The following MPDZ variants were observed in gnomAD, a reference collection of about 807,000 sequenced individuals.
MPDZ encodes the protein multiple PDZ domain protein.
MPDZ carries 234 observed loss-of-function variants against 239.1 expected under a neutral mutation model. The ratio of observed to expected loss-of-function variants is 0.98; its 90% CI spans 0.88 to 1.09. The LOEUF is 1.09. MPDZ is among the 50% of genes least tolerant of loss of function. The pLI is 0.00. For missense variants in MPDZ, 3,175 were observed against 2,510.0 expected, an observed-to-expected ratio of 1.26 and a Z score of -5.66; for synonymous variants, 1,048 against 881.3, an observed-to-expected ratio of 1.19 and a Z score of -3.35.
intron 19 of MPDZ, among the ~76,000 whole-genome samples, chr9:13,178,810 C>A (rs1274349438): frequency 6.6e-6 from 1 of 152,154 alleles, no homozygotes; most frequent in Non-Finnish European, 1.5e-5. Flanking sequence ...AATATTTTGT[C>A]GTGCAGAAGT....
Position 13,186,324 on chromosome 9 carries a change from G to A in MPDZ, c.2427C>T (p.Ser809=), listed in dbSNP as rs1184794637. The part of the protein sequence containing the change: ...KEDSFLYPPH[S]CEEAGLADKP... ...TGTCAGCCAGCCCTGCTTCCTCACAGGAGTGTGGTGGGTAGAGAAAGGAAT... is the reference window on the plus strand; with the variant it reads ...TGTCAGCCAGCCCTGCTTCCTCACAAGAGTGTGGTGGGTAGAGAAAGGAAT... The change falls in exon 18 of 47, where the codon TCC becomes TCT. Residue 809 remains serine, a synonymous_variant. Coordinates refer to ENST00000319217, the MANE Select transcript of MPDZ (RefSeq NM_001378778.1). The A allele has an allele frequency of 1.9e-6, 3 of 1,596,350 alleles. No individual in the cohort carries two copies. Among genetic ancestry groups the A allele is most frequent in the Non-Finnish European group, 1.7e-6 (2 of 1,170,966 alleles).
At chr9:13,120,910 C>G (rs1027351583) in intron 38 of MPDZ, among the ~76,000 whole-genome samples, 2 of 152,186 alleles carry the variant, frequency 1.3e-5, no homozygotes, top group African/African-American at 4.8e-5. Context: ...GCACTTTTTA[C>G]TGAATGCTGA....
intron 3 of MPDZ, among the ~76,000 whole-genome samples, chr9:13,225,557 A>G (rs150155635): frequency 1.3e-5 from 2 of 152,108 alleles, no homozygotes; most frequent in East Asian, 3.9e-4. Context: ...TGTCTCCTAT[A>G]CAGGTGTACC....
chr9:13,108,992 C>T lies in MPDZ; in HGVS notation c.6010G>A (p.Gly2004Arg), dbSNP rs1227954841. 6.9e-6 allele frequency: 11 copies of T among 1,605,388 alleles called. No individual in the cohort carries two copies. The South Asian group carries it at 8.9e-5, about 13-fold the overall frequency. Residue 2004 changes from glycine to arginine, a missense_variant, in exon 46 of 47, where the codon GGA (glycine) becomes AGA (arginine). Coordinates refer to ENST00000319217, the MANE Select transcript of MPDZ (RefSeq NM_001378778.1). ...PDGLGFSIVGGYGSPHGDLPI... is the reference protein window; with the variant it reads ...PDGLGFSIVGRYGSPHGDLPI... The stretch of plus-strand genomic sequence containing the variant: ...AAGTCTCCATGAGGGCTGCCATATC[C>T]TCCAACTATACTGAAGCCTAAGCCA...
Position 13,109,964 on chromosome 9 carries a change from T to G in MPDZ, c.5930A>C (p.Gln1977Pro). The change falls in exon 45 of 47, where the codon CAG becomes CCG. Residue 1977 changes from glutamine (Q) to proline (P), a missense_variant. Physicochemically the swap from Gln to Pro is moderately conservative, Grantham distance 76 (BLOSUM62 -1). Coordinates refer to ENST00000319217, the MANE Select transcript of MPDZ (RefSeq NM_001378778.1). Reference sequence around the variant, plus strand: ...TGTATGAACTCACCCTAAATCATCCTGAAATATACTGCTTGACGTCAGCCC... The same window carrying G: ...TGTATGAACTCACCCTAAATCATCCGGAAATATACTGCTTGACGTCAGCCC... ...FTGLTSSSIF[Q>P]DDLGPPQCKS... The G allele has an allele frequency of 6.2e-7, 1 of 1,612,526 alleles. No individual in the cohort carries two copies. The highest frequency in any genetic ancestry group is 8.5e-7 in the Non-Finnish European group (1 of 1,179,404).
At chr9:13,194,052 C>G (rs1464392343) in intron 13 of MPDZ, among the ~76,000 whole-genome samples, 1 of 151,958 alleles carries the variant, frequency 6.6e-6, no homozygotes, top group African/African-American at 2.4e-5. Flanking sequence ...CCCTGAAAAC[C>G]CAATTTAGGC....
chr9:13,140,039 T>G lies in MPDZ; in HGVS notation c.3951A>C (p.Ala1317=), dbSNP rs964851211. 23 of 1,613,024 alleles carry G rather than the reference T, an allele frequency of 1.4e-5. No homozygotes were observed. The highest frequency in any genetic ancestry group is 1.9e-5 in the Non-Finnish European group (23 of 1,179,692). The change falls in exon 28 of 47, where the codon GCA becomes GCC. Residue 1317 remains alanine, a synonymous_variant. Coordinates refer to ENST00000319217, the MANE Select transcript of MPDZ (RefSeq NM_001378778.1). ...TGTCCACATCTTGTGAGATTTTGCT[T>G]GCAGATGACTGTGTGTGATCACTAC... The part of the protein sequence containing the change: ...EMGSDHTQSS[A]SKISQDVDKE...
intron 24 of MPDZ, among the ~76,000 whole-genome samples, chr9:13,156,502 G>C (rs1949835215): frequency 6.6e-6 from 1 of 152,102 alleles, no homozygotes; most frequent in African/African-American, 2.4e-5. Context: ...AGCTTGTGCA[G>C]GGCAACTCCC....
At chr9:13,150,447 T>C in intron 25 of MPDZ, 64 bp downstream of exon 25, 2 of 1,288,736 alleles carry the variant, frequency 1.6e-6, no homozygotes, top group Non-Finnish European at 1.0e-6. Context: ...AATAGTAAAA[T>C]TAAAAAATAA....
intron 1 of MPDZ, among the ~76,000 whole-genome samples, chr9:13,261,598 A>G (rs1293489515): frequency 6.6e-6 from 1 of 152,182 alleles, no homozygotes; most frequent in Non-Finnish European, 1.5e-5. Flanking sequence ...CCTACAGGAG[A>G]GATAGTTACA....
At chr9:13,150,846 G>A (rs1300232118) in intron 24 of MPDZ, among the ~76,000 whole-genome samples, 158 bp from the exon 25 acceptor site, 5 of 151,926 alleles carry the variant, frequency 3.3e-5, no homozygotes, top group African/African-American at 1.2e-4. Context: ...AAAAACTTCT[G>A]TTCATCAAAT....
intron 29 of MPDZ, 43 bp from the exon 30 acceptor site, chr9:13,136,846 A>G: frequency 1.6e-6 from 2 of 1,239,194 alleles, no homozygotes; most frequent in Non-Finnish European, 2.3e-6. Context: ...AAATCTTAGT[A>G]TCATAAAGTT....
At chr9:13,227,150 A>G (rs983239050) in intron 3 of MPDZ, among the ~76,000 whole-genome samples, 20 of 152,132 alleles carry the variant, frequency 1.3e-4, no homozygotes, top group African/African-American at 4.3e-4. Context: ...AAATCTATAC[A>G]TAAGAGTTTG....
intron 24 of MPDZ, among the ~76,000 whole-genome samples, chr9:13,154,674 T>C (rs1949608353): frequency 6.6e-6 from 1 of 152,114 alleles, no homozygotes; most frequent in African/African-American, 2.4e-5. Flanking sequence ...GTGGTTGTGG[T>C]GGTGATGAAG....
At chr9:13,216,713 T>A in intron 10 of MPDZ, 61 bp downstream of exon 10, 1 of 1,266,730 alleles carries the variant, frequency 7.9e-7, no homozygotes, top group Non-Finnish European at 1.1e-6. Context: ...CTAAGTAAAC[T>A]AGGAGAATAC....
chr9:13,279,373 C>T (rs1564192976), intron 1 of MPDZ, 27 bp downstream of exon 1: 1 of 144,554 alleles, frequency 6.9e-6, no homozygotes, highest in Non-Finnish European at 1.5e-5. Context: ...GCCTCGGCCT[C>T]TGGGCCGGGG....
chr9:13,163,572 C>T (rs566755932), intron 22 of MPDZ, among the ~76,000 whole-genome samples: 2 of 152,248 alleles, frequency 1.3e-5, no homozygotes, highest in South Asian at 2.1e-4. Flanking sequence ...GTCCTGCTGT[C>T]CTGCTTCTGA....
chr9:13,131,827 C>T (rs919513401), intron 32 of MPDZ, among the ~76,000 whole-genome samples: 19 of 152,286 alleles, frequency 1.2e-4, no homozygotes, highest in African/African-American at 4.6e-4. Context: ...AGGACCCCAG[C>T]TCCCTCAGTC....
chr9:13,173,197 A>G (rs546810840), intron 21 of MPDZ, among the ~76,000 whole-genome samples: 13 of 152,204 alleles, frequency 8.5e-5, no homozygotes, highest in Non-Finnish European at 1.6e-4. Context: ...ATGGATGGTG[A>G]TGATGGCTAC....
Sources: gnomAD v4.1 joint callset for allele counts (sites outside exome capture counted in the v4.1 genomes callset) on GRCh38, gnomAD v4.1.1 for gene constraint, MANE v1.5 for transcripts, NCBI Gene and HGNC (gene_info 2026-07-23, HGNC 2026-07-21) for gene names.